The following CCBE1 variants were observed in gnomAD, a reference collection of about 807,000 sequenced individuals.
The protein encoded by CCBE1 is collagen and calcium binding EGF domains 1, also known as collagen and calcium-binding EGF domain-containing protein 1.
A neutral mutation model predicts 50.0 loss-of-function variants in CCBE1; 37 were observed. The observed-to-expected ratio is 0.74, with a 90% CI of 0.57 to 0.97. The LOEUF (loss-of-function observed/expected upper bound fraction) is 0.97, where lower values mean the gene tolerates loss of function less well. Among genes scored for constraint, CCBE1 ranks in the 50% least tolerant of loss-of-function variants. The probability of loss-of-function intolerance (pLI) is 0.00; values close to 1 mark genes in which losing one functional copy is unlikely to be tolerated. For synonymous variants in CCBE1, 234 were observed against 203.7 expected (o/e 1.15, Z -1.27); for missense variants, 538 against 523.8 (o/e 1.03, Z -0.26).
chr18:59,585,738 T>A (rs1363581990), intron 2 of CCBE1, among the ~76,000 whole-genome samples: 7 of 152,260 alleles, frequency 4.6e-5, no homozygotes, highest in Admixed American at 4.6e-4. Context: ...TTCTTCATTG[T>A]GTGCATCATA....
In CCBE1 at chr18:59,560,592, C is replaced by T. The variant is rs143792434; in HGVS notation, c.213-80354G>A. Among the ~76,000 whole-genome samples the T allele has an allele frequency of 8.2e-4, 125 of 152,194 alleles. 1 individual carries two copies. Among genetic ancestry groups the T allele is most frequent in the African/African-American group, 2.8e-3 (115 of 41,516 alleles). ...GTAACAAACCTGCACGTTCTGCACA[C>T]GTATCCCATAACTTAAAAAGAAAAA... On this transcript the variant is annotated intron_variant, in intron 2 of 10. Coordinates refer to ENST00000439986, the MANE Select transcript of CCBE1 (RefSeq NM_133459.4).
chr18:59,554,322 G>C (rs1317534779), intron 2 of CCBE1, among the ~76,000 whole-genome samples: 1 of 152,162 alleles, frequency 6.6e-6, no homozygotes, highest in Non-Finnish European at 1.5e-5. Flanking sequence ...GCTTGAATCT[G>C]GAGTAATGGC....
chr18:59,447,231 A>G (rs1470495144), intron 7 of CCBE1, among the ~76,000 whole-genome samples: 2 of 152,182 alleles, frequency 1.3e-5, no homozygotes, highest in South Asian at 2.1e-4. Context: ...GTGTGTATAT[A>G]TGTGTATAAA....
chr18:59,510,867 A>G (rs117606869), intron 2 of CCBE1, among the ~76,000 whole-genome samples: 2 of 152,252 alleles, frequency 1.3e-5, no homozygotes, highest in Non-Finnish European at 2.9e-5. Flanking sequence ...ATGTCTTTGC[A>G]TATGGATTCT....
At chr18:59,604,562 C>G (rs1286474489) in intron 2 of CCBE1, among the ~76,000 whole-genome samples, 1 of 152,186 alleles carries the variant, frequency 6.6e-6, no homozygotes, top group African/African-American at 2.4e-5. Context: ...TGGCTACAGT[C>G]ACCTGTATTT....
chr18:59,560,192 G>A (rs2052713760), intron 2 of CCBE1, among the ~76,000 whole-genome samples: 1 of 152,244 alleles, frequency 6.6e-6, no homozygotes, highest in Non-Finnish European at 1.5e-5. Flanking sequence ...CCCATTTGAA[G>A]TGGATGTGCA....
At chr18:59,600,072 AG>A (rs2053409722) in intron 2 of CCBE1, among the ~76,000 whole-genome samples, 1 of 152,190 alleles carries the variant, frequency 6.6e-6, no homozygotes, top group African/African-American at 2.4e-5. Flanking sequence ...TGTGTATGTC[AG>A]AAAAAATATT....
At chr18:59,681,529 C>T (rs922256713) in intron 2 of CCBE1, among the ~76,000 whole-genome samples, 5 of 152,140 alleles carry the variant, frequency 3.3e-5, no homozygotes, top group Non-Finnish European at 7.3e-5. Flanking sequence ...CTCCATGAAG[C>T]GAGGAAGCTG....
chr18:59,492,326 T>C (rs1557402), intron 2 of CCBE1, among the ~76,000 whole-genome samples: 14,842 of 152,086 alleles, frequency 0.098, 1,609 homozygotes, highest in East Asian at 0.54. Context: ...CGTTTTCCCA[T>C]ATCTGCTATT....
At chr18:59,440,328 T>G (rs963813962) in intron 7 of CCBE1, among the ~76,000 whole-genome samples, 7 of 152,212 alleles carry the variant, frequency 4.6e-5, no homozygotes, top group African/African-American at 1.2e-4. Context: ...AGTGGGCTAA[T>G]AAAAATCTTC....
chr18:59,643,225 A>G (rs1255254975), intron 2 of CCBE1, among the ~76,000 whole-genome samples: 1 of 152,092 alleles, frequency 6.6e-6, no homozygotes, highest in Non-Finnish European at 1.5e-5. Context: ...AGTATTATTC[A>G]TCCTATTTTT....
At chr18:59,529,149 C>T (rs1031796924) in intron 2 of CCBE1, among the ~76,000 whole-genome samples, 5 of 151,316 alleles carry the variant, frequency 3.3e-5, no homozygotes, top group Admixed American at 6.6e-5. Flanking sequence ...GAGTTCTGTC[C>T]GTAAACCCCT....
chr18:59,619,564 G>A lies in CCBE1; in HGVS notation c.212+77065C>T, dbSNP rs531887051. On this transcript the variant is annotated intron_variant, in intron 2 of 10. Coordinates refer to ENST00000439986, the MANE Select transcript of CCBE1 (RefSeq NM_133459.4). ...TTGTAATATGTGTATTATATATAAA[G>A]TCTCAGATGTAAAGTTCTTTCTATG... Among the ~76,000 whole-genome samples the A allele has an allele frequency of 9.8e-5, 15 of 152,316 alleles. No homozygotes were observed. In the East Asian group the frequency reaches 2.9e-3, roughly 29 times the overall value.
chr18:59,438,824 T>C (rs1910276493), intron 9 of CCBE1, among the ~76,000 whole-genome samples: 1 of 152,160 alleles, frequency 6.6e-6, no homozygotes, highest in African/African-American at 2.4e-5. Context: ...TCTGGTGAGC[T>C]TTCCTGGATG....
intron 2 of CCBE1, among the ~76,000 whole-genome samples, chr18:59,540,487 T>C (rs1232479638): frequency 6.6e-6 from 1 of 152,204 alleles, no homozygotes; most frequent in Non-Finnish European, 1.5e-5. Flanking sequence ...TGTGTGGTAA[T>C]AGGGAGGAGG....
chr18:59,570,001 C>T (rs879712533), intron 2 of CCBE1, among the ~76,000 whole-genome samples: 1 of 152,226 alleles, frequency 6.6e-6, no homozygotes, highest in Non-Finnish European at 1.5e-5. Flanking sequence ...TTCTCTCATT[C>T]TTAAACAGAA....
chr18:59,696,691 G>A lies in CCBE1; in HGVS notation c.150C>T (p.Ser50=). 2 of 1,613,992 alleles carry A rather than the reference G, an allele frequency of 1.2e-6. No homozygotes were observed. Among genetic ancestry groups the A allele is most frequent in the Non-Finnish European group, 1.7e-6 (2 of 1,179,926 alleles). Residue 50 remains serine, a synonymous_variant, in exon 2 of 11, where the codon AGC becomes AGT. Coordinates refer to ENST00000439986, the MANE Select transcript of CCBE1 (RefSeq NM_133459.4). ...EDGDREICSE[S]KIATTKYPCL... ...ACGGGTATTTAGTCGTCGCGATTTTGCTCTCTGAGCAGATTTCTCTATGAA... is the reference window on the plus strand; with the variant it reads ...ACGGGTATTTAGTCGTCGCGATTTTACTCTCTGAGCAGATTTCTCTATGAA...
At chr18:59,459,615 A>G (rs964303913) in intron 5 of CCBE1, among the ~76,000 whole-genome samples, 1 of 152,216 alleles carries the variant, frequency 6.6e-6, no homozygotes, top group African/African-American at 2.4e-5. Context: ...TAAGCATTAG[A>G]AGTTGTAATG....
At chr18:59,469,093 G>A (rs1446078394) in intron 4 of CCBE1, among the ~76,000 whole-genome samples, 1 of 152,186 alleles carries the variant, frequency 6.6e-6, no homozygotes, top group Non-Finnish European at 1.5e-5. Flanking sequence ...CAACCTGTCT[G>A]CCATATGGCT....
Sources: allele counts gnomAD v4.1 joint callset (sites outside exome capture counted in the v4.1 genomes callset), GRCh38; gene constraint gnomAD v4.1.1; transcripts MANE v1.5; gene names NCBI Gene and HGNC (gene_info 2026-07-23, HGNC 2026-07-21).